The following NXPE3 variants were observed in gnomAD, a reference collection of about 807,000 sequenced individuals.
NXPE3 encodes NXPE family member 3.
In NXPE3, 26 loss-of-function variants were observed where a neutral mutation model predicts 46.1. The observed-to-expected ratio is 0.56, with a 90% CI of 0.41 to 0.78. The LOEUF is 0.78. NXPE3 is among the 30% of genes least tolerant of loss of function. NXPE3 has a pLI of 0.00. For missense variants in NXPE3, 620 were observed against 686.0 expected (o/e 0.90, Z 1.07); for synonymous variants, 272 against 257.9 (o/e 1.05, Z -0.52).
At chr3:101,817,402 A>C (rs1942019821) in intron 7 of NXPE3, among the ~76,000 whole-genome samples, 1 of 152,120 alleles carries the variant, frequency 6.6e-6, no homozygotes, top group Non-Finnish European at 1.5e-5. Flanking sequence ...GTCTCATCCA[A>C]CTCCAAGTTT....
In NXPE3 at chr3:101,816,897, A is replaced by T. The variant is rs1442039721; in HGVS notation, c.1025A>T (p.Asn342Ile). The T allele has an allele frequency of 1.2e-6, 2 of 1,614,046 alleles. No individual in the cohort carries two copies. Among genetic ancestry groups the T allele is most frequent in the Non-Finnish European group, 1.7e-6 (2 of 1,180,000 alleles). ...RPRKFKMRQF[N>I]DPDNITECLQ... is the part of the protein sequence containing the mutation. ...AGAAAGTTTAAGATGCGTCAGTTTAATGACCCTGACAACATTACAGAGTGC... is the reference window on the plus strand; with the variant it reads ...AGAAAGTTTAAGATGCGTCAGTTTATTGACCCTGACAACATTACAGAGTGC... Residue 342 changes from asparagine to isoleucine, a missense_variant, in exon 7 of 8, where the codon AAT becomes ATT. By Grantham distance (149) the Asn-to-Ile change is moderately radical. Coordinates refer to ENST00000273347, the MANE Select transcript of NXPE3 (RefSeq NM_145037.4).
Position 101,823,266 on chromosome 3 carries a change from T to G in NXPE3, c.*1312T>G, listed in dbSNP as rs1178263268. ...CCTTAGAAGAATGGGTCAAATAATT[T>G]GGGTTTTTAATTTAAAATAGGAGGG... On this transcript the variant is annotated 3_prime_UTR_variant, in exon 8 of 8. Coordinates refer to ENST00000273347, the MANE Select transcript of NXPE3 (RefSeq NM_145037.4). 6.6e-6 allele frequency: 1 copy of G among 152,106 alleles called. No individual in the cohort carries two copies. Among genetic ancestry groups the G allele is most frequent in the Non-Finnish European group, 1.5e-5 (1 of 68,028 alleles). The allele number at this position is 152,106 out of a possible 1,614,324, so 9.4% of individuals were successfully genotyped here.
chr3:101,801,414 T>A lies in NXPE3; in HGVS notation c.273T>A (p.Asp91Glu), dbSNP rs200020821. 1.0e-4 allele frequency: 163 copies of A among 1,614,092 alleles called. No individual in the cohort carries two copies. The highest frequency in any genetic ancestry group is 1.3e-4 in the Non-Finnish European group (156 of 1,180,046). Residue 91 changes from aspartate (D) to glutamate (E), a missense_variant, in exon 5 of 8, where the codon GAT (aspartate) becomes GAA (glutamate). Physicochemically the swap from Asp to Glu is conservative, Grantham distance 45. This residue lies in a region of NXPE3 where 511 missense variants were observed against 528.6 expected (regional missense o/e 0.97). Transcript: ENST00000273347. ...LLAALHRQVP[D>E]VGPVPFVKST... ...CTGCCTTGCACCGGCAGGTTCCTGA[T>A]GTGGGCCCAGTCCCCTTTGTGAAGA... is the stretch of plus-strand genomic sequence containing the variant.
chr3:101,789,168 C>T (rs1374005735), intron 4 of NXPE3, among the ~76,000 whole-genome samples: 1 of 152,010 alleles, frequency 6.6e-6, no homozygotes, highest in Non-Finnish European at 1.5e-5. Context: ...ATTTAATTGT[C>T]TCGTCCTAGT....
chr3:101,808,092 C>T (rs1285646382), intron 6 of NXPE3, among the ~76,000 whole-genome samples: 3 of 152,172 alleles, frequency 2.0e-5, no homozygotes, highest in Non-Finnish European at 1.5e-5. Context: ...CAGGTCCTAT[C>T]TCAGATGACT....
chr3:101,789,828 C>G (rs1027566961), intron 4 of NXPE3, among the ~76,000 whole-genome samples: 5 of 151,992 alleles, frequency 3.3e-5, no homozygotes, highest in Non-Finnish European at 7.4e-5. Flanking sequence ...GTAACTGGGA[C>G]TACAGGTGTC....
chr3:101,799,179 G>A (rs959554670), intron 4 of NXPE3, among the ~76,000 whole-genome samples: 20 of 151,942 alleles, frequency 1.3e-4, no homozygotes, highest in Non-Finnish European at 1.5e-5. Flanking sequence ...GCCTCAAGCA[G>A]TTCTTCTGCT....
chr3:101,821,251 G>A (rs1293287963), intron 7 of NXPE3, among the ~76,000 whole-genome samples, 153 bp from the exon 8 acceptor site: 1 of 152,128 alleles, frequency 6.6e-6, no homozygotes, highest in Non-Finnish European at 1.5e-5. Flanking sequence ...AGGGGGCAGA[G>A]TTCAGTGAAA....
intron 1 of NXPE3, among the ~76,000 whole-genome samples, chr3:101,780,913 A>G (rs1234446534): frequency 6.6e-6 from 1 of 152,222 alleles, no homozygotes; most frequent in African/African-American, 2.4e-5. Flanking sequence ...CAAGTCCTGC[A>G]GACTACTGCC....
intron 6 of NXPE3, among the ~76,000 whole-genome samples, chr3:101,807,994 G>A (rs1378489060): frequency 6.6e-6 from 1 of 152,060 alleles, no homozygotes; most frequent in Non-Finnish European, 1.5e-5. Flanking sequence ...AATAACATTG[G>A]GTTGGAGAAT....
chr3:101,817,217 T>G (rs1246230053), intron 7 of NXPE3, among the ~76,000 whole-genome samples: 2 of 152,246 alleles, frequency 1.3e-5, no homozygotes, highest in African/African-American at 4.8e-5. Flanking sequence ...TCATTGAGGT[T>G]TATGTCACTG....
intron 4 of NXPE3, among the ~76,000 whole-genome samples, chr3:101,787,167 C>A (rs1311181411): frequency 6.6e-6 from 1 of 151,636 alleles, no homozygotes; most frequent in Admixed American, 6.6e-5. Flanking sequence ...AAAAACACAA[C>A]AAATCCAAAA....
At chr3:101,806,874 T>C (rs924769368) in intron 5 of NXPE3, among the ~76,000 whole-genome samples, 179 bp from the exon 6 acceptor site, 1 of 152,218 alleles carries the variant, frequency 6.6e-6, no homozygotes, top group Non-Finnish European at 1.5e-5. Context: ...TTTATGTACA[T>C]AAAACCTGCT....
intron 6 of NXPE3, among the ~76,000 whole-genome samples, chr3:101,813,424 T>A (rs993875884): frequency 1.3e-5 from 2 of 152,242 alleles, no homozygotes; most frequent in African/African-American, 4.8e-5. Flanking sequence ...TAGGGAAATT[T>A]ATCTCTCTGC....
chr3:101,792,629 G>A (rs917270357), intron 4 of NXPE3, among the ~76,000 whole-genome samples: 2 of 152,076 alleles, frequency 1.3e-5, no homozygotes, highest in Non-Finnish European at 2.9e-5. Flanking sequence ...CTCTGTGCCT[G>A]TTTTTGTACC....
intron 6 of NXPE3, among the ~76,000 whole-genome samples, chr3:101,814,115 C>T (rs926344881): frequency 6.6e-6 from 1 of 152,142 alleles, no homozygotes; most frequent in African/African-American, 2.4e-5. Flanking sequence ...ACATATTTGA[C>T]ACAGAATAAC....
rs2107385548 is a variant in NXPE3, at chr3:101,827,797, A to G, written c.*5843A>G. Among the ~76,000 whole-genome samples the G allele has an allele frequency of 6.6e-6, 1 of 152,146 alleles. No homozygotes were observed. Among genetic ancestry groups the G allele is most frequent in the African/African-American group, 2.4e-5 (1 of 41,504 alleles). On this transcript the variant is annotated 3_prime_UTR_variant, in exon 8 of 8. Coordinates refer to ENST00000273347, the MANE Select transcript of NXPE3 (RefSeq NM_145037.4). ...TTTCCAGTGTGCAGAAAAAAAATCC[A>G]CAAATCTAGGCCTCGCTGCCCCCTC... is the stretch of plus-strand genomic sequence containing the variant.
intron 7 of NXPE3, among the ~76,000 whole-genome samples, chr3:101,820,224 A>G (rs1256225467): frequency 6.6e-6 from 1 of 152,258 alleles, no homozygotes; most frequent in East Asian, 1.9e-4. Flanking sequence ...TCATAAACAG[A>G]CACTTCTCAA....
In NXPE3 at chr3:101,782,121, G is replaced by A. The variant is rs1178820339; in HGVS notation, c.-486G>A. Reference sequence around the variant, plus strand: ...TATTTTTGTTTCAGCAAGAAGAATTGTATAGAAATGTAAAAAACATTTATG... The same window carrying A: ...TATTTTTGTTTCAGCAAGAAGAATTATATAGAAATGTAAAAAACATTTATG... On this transcript the variant is annotated 5_prime_UTR_variant, in exon 2 of 8. Transcript: ENST00000273347. 6.6e-6 allele frequency: 1 copy of A among 151,960 alleles called. No homozygotes were observed. Among genetic ancestry groups the A allele is most frequent in the Non-Finnish European group, 1.5e-5 (1 of 68,008 alleles). 9.4% of individuals were successfully genotyped at this position (151,960 alleles called of 1,614,324 possible).
Sources: allele counts gnomAD v4.1 joint callset (sites outside exome capture counted in the v4.1 genomes callset), GRCh38; gene constraint gnomAD v4.1.1; regional missense constraint gnomAD v4.1.1; transcripts MANE v1.5; gene names NCBI Gene and HGNC (gene_info 2026-07-23, HGNC 2026-07-21).